Variants in PROSER2 observed in about 807,000 individuals in gnomAD.
The protein encoded by PROSER2 is proline and serine rich 2, also known as proline and serine-rich protein 2.
PROSER2 carries 18 observed loss-of-function variants against 14.6 expected under a neutral mutation model. That is an observed-to-expected ratio of 1.23 (90% CI 0.85 to 1.83). PROSER2 has a LOEUF of 1.83. PROSER2 is among the 40% of genes most tolerant of loss of function. PROSER2 has a pLI of 0.00. For synonymous variants in PROSER2, 367 were observed against 286.4 expected, an observed-to-expected ratio of 1.28 and a Z score of -2.84; for missense variants, 823 against 629.8, an observed-to-expected ratio of 1.31 and a Z score of -3.28.
In PROSER2 at chr10:11,869,989, C is replaced by A. The variant is rs1834440758; in HGVS notation, c.891C>A (p.Pro297=). Residue 297 remains proline (P), a synonymous_variant, in exon 4 of 4, where the codon CCC becomes CCA. Coordinates refer to ENST00000277570, the MANE Select transcript of PROSER2 (RefSeq NM_153256.4). This position sits in a 1 kb window ranked among gnomAD's most constrained non-coding sequence, Gnocchi z 4.4. The part of the protein sequence containing the change: ...ATIHGHAGAF[P]AAGDAGEGAP... ...TCCACGGCCACGCCGGCGCCTTCCC[C>A]GCCGCGGGGGACGCCGGCGAGGGGG... 3.1e-6 allele frequency: 4 copies of A among 1,279,070 alleles called. No homozygotes were observed. Among genetic ancestry groups the A allele is most frequent in the African/African-American group, 1.6e-5 (1 of 62,460 alleles). 79.2% of individuals were successfully genotyped at this position (1,279,070 alleles called of 1,614,324 possible).
chr10:11,855,571 G>T (rs1207040843), intron 2 of PROSER2, among the ~76,000 whole-genome samples: 1 of 151,956 alleles, frequency 6.6e-6, no homozygotes, highest in African/African-American at 2.4e-5. Context: ...AGTGTCACCT[G>T]GTATATAACA....
In PROSER2 at chr10:11,841,881, A is replaced by G. The variant is rs930644151; in HGVS notation, c.-81-10116A>G. Among the ~76,000 whole-genome samples, 9 of 152,280 alleles carry G rather than the reference A, an allele frequency of 5.9e-5. No individual in the cohort carries two copies. The East Asian group carries it at 1.3e-3, about 23-fold the overall frequency. ...ATAATGTGTTGTAAATCTTGATGAG[A>G]TCAAACTTCCCATTATATTGTTTAA... On this transcript the variant is annotated intron_variant, in intron 1 of 3. Transcript: ENST00000277570.
At chr10:11,859,694 G>A (rs553131882) in intron 2 of PROSER2, among the ~76,000 whole-genome samples, 2 of 152,272 alleles carry the variant, frequency 1.3e-5, no homozygotes, top group African/African-American at 2.4e-5. Flanking sequence ...ACCACCAGGC[G>A]ATGCCTTGTG....
rs1053325653 is a variant in PROSER2 at position 11,844,334 on chromosome 10, A to G, written c.-81-7663A>G. ...GTATCTTTAAGTTTTTCAAAAGGTAATACATTCATATGGTTAAAAAAGAAA... is the reference window on the plus strand; with the variant it reads ...GTATCTTTAAGTTTTTCAAAAGGTAGTACATTCATATGGTTAAAAAAGAAA... On this transcript the variant is annotated intron_variant, in intron 1 of 3. Transcript: ENST00000277570. Among the ~76,000 whole-genome samples the G allele has an allele frequency of 2.0e-4, 30 of 152,158 alleles. 1 individual carries two copies. Among genetic ancestry groups the G allele is most frequent in the Non-Finnish European group, 4.4e-5 (3 of 68,028 alleles).
chr10:11,835,074 TCCAGC>T (rs1366595513), intron 1 of PROSER2, among the ~76,000 whole-genome samples: 16 of 146,212 alleles, frequency 1.1e-4, no homozygotes, highest in African/African-American at 4.1e-4. Context: ...GCCACTGCAC[TCCAGC>T]CTGGGCGACA....
rs753405251 is a variant in PROSER2, at chr10:11,869,812, T to C, written c.714T>C (p.Pro238=). The C allele has an allele frequency of 6.4e-6, 10 of 1,561,980 alleles. No individual in the cohort carries two copies. Among genetic ancestry groups the C allele is most frequent in the African/African-American group, 2.7e-5 (2 of 73,608 alleles). Reference sequence around the variant, plus strand: ...CCCGGGGGCCCCGCAGTGGAGACCCTGGCCCGGGGCCCAGCCACCCGGCGC... The same window carrying C: ...CCCGGGGGCCCCGCAGTGGAGACCCCGGCCCGGGGCCCAGCCACCCGGCGC... ...PAARGPRSGD[P]GPGPSHPAQP... The change falls in exon 4 of 4, where the codon CCT becomes CCC. Residue 238 remains proline (P), a synonymous_variant. Transcript: ENST00000277570. The surrounding 1 kb of genome is among the most constrained non-coding windows in gnomAD (Gnocchi z 4.4).
At chr10:11,859,383 C>T (rs778137538) in intron 2 of PROSER2, among the ~76,000 whole-genome samples, 10 of 152,110 alleles carry the variant, frequency 6.6e-5, no homozygotes, top group Non-Finnish European at 1.3e-4. Context: ...GCCAAGATCA[C>T]ACCACTGCAC....
chr10:11,859,818 C>A (rs1252458634), intron 2 of PROSER2, among the ~76,000 whole-genome samples: 5 of 152,222 alleles, frequency 3.3e-5, no homozygotes. Context: ...TCCCCACAGT[C>A]CATTTTAGAA....
intron 1 of PROSER2, chr10:11,849,642 G>T (rs1833982897): frequency 6.6e-6 from 1 of 152,276 alleles, no homozygotes; most frequent in African/African-American, 2.4e-5. Flanking sequence ...AAGCCTGTTG[G>T]GAATGGGTTA....
At chr10:11,833,031 A>G (rs1833708488) in intron 1 of PROSER2, among the ~76,000 whole-genome samples, 1 of 151,872 alleles carries the variant, frequency 6.6e-6, no homozygotes, top group Non-Finnish European at 1.5e-5. Context: ...TTTGGTAGAG[A>G]CAGCATTTCA....
chr10:11,843,915 G>A (rs1008189610), intron 1 of PROSER2, among the ~76,000 whole-genome samples: 7 of 150,434 alleles, frequency 4.7e-5, no homozygotes, highest in African/African-American at 1.7e-4. Flanking sequence ...TTTTCTCAAT[G>A]GGATTGTTTC....
rs781115439 is a variant in PROSER2, at chr10:11,872,254, ATAAAT to A, written c.*1850_*1854del. 3.3e-5 allele frequency: 5 copies of A among 152,228 alleles called. No homozygotes were observed. The highest frequency in any genetic ancestry group is 2.1e-4 in the South Asian group (1 of 4,832). The allele number at this position is 152,228 out of a possible 1,614,324, so 9.4% of individuals were successfully genotyped here. On this transcript the variant is annotated 3_prime_UTR_variant, in exon 4 of 4. Coordinates refer to ENST00000277570, the MANE Select transcript of PROSER2 (RefSeq NM_153256.4). ...GTTGCCATAATCACATTTTTGAAAA[ATAAAT>A]TTAAGAGTTTTTTCTTAAGTAAGCT...
chr10:11,843,685 C>CA (rs369244388), intron 1 of PROSER2, among the ~76,000 whole-genome samples: 6,340 of 113,120 alleles, frequency 0.056, 497 homozygotes, highest in African/African-American at 0.18. Flanking sequence ...GACTCTGTCT[C>CA]AAAAAAAAAA....
At position 11,871,304 on chromosome 10, in the gene PROSER2, A is replaced by G. The variant is rs1307464527; in HGVS notation, c.*898A>G. 6.6e-6 allele frequency: 1 copy of G among 152,250 alleles called. No individual in the cohort carries two copies. Among genetic ancestry groups the G allele is most frequent in the Admixed American group, 6.5e-5 (1 of 15,290 alleles). The allele number at this position is 152,250 out of a possible 1,614,324, so 9.4% of individuals were successfully genotyped here. A position where few individuals can be genotyped will look rare whatever the true frequency, so the allele number is the denominator to read the frequency against. On this transcript the variant is annotated 3_prime_UTR_variant, in exon 4 of 4. Transcript: ENST00000277570. ...ATACAAGAAATTGTTACTTCCTAGT[A>G]TGGAAGTGTCTTAAGGACACGTCTC...
Position 11,870,060 on chromosome 10 carries a change from G to T in PROSER2, c.962G>T (p.Gly321Val). ...SSPERVARGRGLPGPAESLRA... is the reference protein window; with the variant it reads ...SSPERVARGRVLPGPAESLRA... The stretch of plus-strand genomic sequence containing the variant: ...CCGGAGCGGGTGGCGCGTGGCCGGG[G>T]CCTGCCGGGCCCCGCTGAGAGTCTC... The change falls in exon 4 of 4, where the codon GGC becomes GTC. Residue 321 changes from glycine to valine, a missense_variant. Gly to Val is a moderately radical substitution (Grantham distance 109, BLOSUM62 -3). Coordinates refer to ENST00000277570, the MANE Select transcript of PROSER2 (RefSeq NM_153256.4). The T allele has an allele frequency of 8.0e-7, 1 of 1,245,404 alleles. No homozygotes were observed. The allele number at this position is 1,245,404 out of a possible 1,614,324, so 77.1% of individuals were successfully genotyped here.
At chr10:11,863,547 A>C (rs75217175) in intron 2 of PROSER2, among the ~76,000 whole-genome samples, 14,620 of 151,816 alleles carry the variant, frequency 0.096, 848 homozygotes, top group Non-Finnish European at 0.13. Context: ...CCCCCACAAA[A>C]AAAAAAAAAA....
rs966446053 is a variant in PROSER2 at position 11,870,251 on chromosome 10, G to A, written c.1153G>A (p.Gly385Arg). The A allele has an allele frequency of 1.3e-6, 2 of 1,486,866 alleles. No individual in the cohort carries two copies. Among genetic ancestry groups the A allele is most frequent in the Admixed American group, 2.3e-5 (1 of 43,844 alleles). The allele number at this position is 1,486,866 out of a possible 1,614,324, so 92.1% of individuals were successfully genotyped here. The change falls in exon 4 of 4, where the codon GGG becomes AGG. Residue 385 changes from glycine to arginine, a missense_variant. Coordinates refer to ENST00000277570, the MANE Select transcript of PROSER2 (RefSeq NM_153256.4). ...PSTRARQSFP[G>R]PRQPNGAQDW... ...CACGCGGGCCCGTCAGAGCTTCCCCGGGCCCCGGCAGCCCAACGGCGCCCA... is the reference window on the plus strand; with the variant it reads ...CACGCGGGCCCGTCAGAGCTTCCCCAGGCCCCGGCAGCCCAACGGCGCCCA...
At position 11,838,236 on chromosome 10, in the gene PROSER2, A is replaced by G. The variant is rs549882648; in HGVS notation, c.-81-13761A>G. On this transcript the variant is annotated intron_variant, in intron 1 of 3. Coordinates refer to ENST00000277570, the MANE Select transcript of PROSER2 (RefSeq NM_153256.4). This position sits in a 1 kb window ranked among gnomAD's most constrained non-coding sequence, Gnocchi z 4.4. Reference sequence around the variant, plus strand: ...TCACCAGTGGCATTCGGGCCTGGCTATGCATGTAAAATACAGCGCTGGGTT... The same window carrying G: ...TCACCAGTGGCATTCGGGCCTGGCTGTGCATGTAAAATACAGCGCTGGGTT... Among the ~76,000 whole-genome samples the G allele has an allele frequency of 2.0e-5, 3 of 152,242 alleles. No homozygotes were observed. Among genetic ancestry groups the G allele is most frequent in the African/African-American group, 7.2e-5 (3 of 41,550 alleles).
intron 1 of PROSER2, among the ~76,000 whole-genome samples, chr10:11,847,212 A>T (rs1215624415): frequency 6.7e-6 from 1 of 149,176 alleles, no homozygotes; most frequent in Non-Finnish European, 1.5e-5. Context: ...CTTCAACCCC[A>T]TTTTCCTCTA....
Sources: allele counts gnomAD v4.1 joint callset (sites outside exome capture counted in the v4.1 genomes callset), GRCh38; gene constraint gnomAD v4.1.1; non-coding constraint Gnocchi (gnomAD v3.1); transcripts MANE v1.5; gene names NCBI Gene and HGNC (gene_info 2026-07-23, HGNC 2026-07-21).